The following DRC8 variants were observed in gnomAD, a reference collection of about 807,000 sequenced individuals.
The protein encoded by DRC8 is dynein regulatory complex protein 8.
At chr1:245,104,573 A>G in the DRC8 span, among the ~76,000 whole-genome samples, 3 of 151,844 alleles carry the variant, frequency 2.0e-5, no homozygotes, top group Admixed American at 6.6e-5. Context: ...AGGCATTGCC[A>G]TTAACATATG....
the DRC8 span, among the ~76,000 whole-genome samples, chr1:244,993,928 C>G: frequency 6.7e-6 from 1 of 149,384 alleles, no homozygotes; most frequent in Non-Finnish European, 1.5e-5. Flanking sequence ...TTCCAACACA[C>G]GAACTTTGGG....
chr1:245,060,153 G>C, the DRC8 span, among the ~76,000 whole-genome samples: 1 of 152,226 alleles, frequency 6.6e-6, no homozygotes, highest in Non-Finnish European at 1.5e-5. Context: ...GATAACAGGA[G>C]ACAGGTGAGG....
chr1:245,047,635 C>A, the DRC8 span, among the ~76,000 whole-genome samples: 907 of 103,716 alleles, frequency 8.7e-3, 1 homozygote, highest in East Asian at 1.0e-2. Context: ...ACTCCATCTC[C>A]AAAAAAAAAA....
the DRC8 span, among the ~76,000 whole-genome samples, chr1:245,111,778 G>A: frequency 6.6e-6 from 1 of 152,304 alleles, no homozygotes; most frequent in South Asian, 2.1e-4. Flanking sequence ...GCTCATGTCT[G>A]TAATCCCAGC....
the DRC8 span, chr1:245,122,132 A>ACCTCAAGTGATCCTCCCGC: frequency 4.1e-6 from 1 of 243,212 alleles, no homozygotes; most frequent in Middle Eastern, 1.6e-3. Flanking sequence ...CGAACTCCTG[A>ACCTCAAGTGATCCTCCCGC]CCTCAAGTGA....
chr1:244,996,918 C>T, the DRC8 span, among the ~76,000 whole-genome samples: 4 of 152,120 alleles, frequency 2.6e-5, no homozygotes, highest in Non-Finnish European at 4.4e-5. Context: ...CCAAAATCCA[C>T]GGATGCTGAA....
the DRC8 span, chr1:245,091,367 G>C: frequency 2.0e-5 from 3 of 152,356 alleles, no homozygotes; most frequent in Non-Finnish European, 4.4e-5. Context: ...CCCAGGCACG[G>C]ACTTGTTTGG....
At chr1:245,023,106 A>T in the DRC8 span, 27 of 152,378 alleles carry the variant, frequency 1.8e-4, 1 homozygote, top group East Asian at 5.2e-3. Context: ...TTTGTGAAGC[A>T]TTCCATTTTT....
the DRC8 span, among the ~76,000 whole-genome samples, chr1:245,007,306 T>C: frequency 6.6e-6 from 1 of 152,144 alleles, no homozygotes; most frequent in African/African-American, 2.4e-5. Context: ...CAAAATAATA[T>C]GTAACAGCCA....
the DRC8 span, among the ~76,000 whole-genome samples, chr1:245,047,974 CAAAAAA>C: frequency 9.7e-6 from 1 of 102,824 alleles, no homozygotes; most frequent in Non-Finnish European, 2.0e-5. Context: ...GACTCTGTCT[CAAAAAA>C]AAAAAAAAAA....
At chr1:244,974,124 C>T in the DRC8 span, among the ~76,000 whole-genome samples, 1 of 152,166 alleles carries the variant, frequency 6.6e-6, no homozygotes, top group Non-Finnish European at 1.5e-5. Context: ...TCCAAAGTTT[C>T]CTCAGCCAGA....
chr1:245,055,255 C>T, the DRC8 span, among the ~76,000 whole-genome samples: 3 of 152,132 alleles, frequency 2.0e-5, no homozygotes, highest in African/African-American at 7.2e-5. Flanking sequence ...TTGAACTCTT[C>T]ATTTCCCTTC....
the DRC8 span, among the ~76,000 whole-genome samples, chr1:245,052,326 C>G: frequency 6.6e-6 from 1 of 152,156 alleles, no homozygotes; most frequent in Non-Finnish European, 1.5e-5. Flanking sequence ...GGACTAACAG[C>G]AGGCAGGATG....
chr1:245,124,937 G>A, the DRC8 span: 29,634 of 152,082 alleles, frequency 0.19, 3,806 homozygotes, highest in Admixed American at 0.34. Flanking sequence ...TCCTTCGGTG[G>A]CCCTACGATG....
chr1:245,124,587 G>T, the DRC8 span: 1 of 152,160 alleles, frequency 6.6e-6, no homozygotes, highest in East Asian at 1.9e-4. Context: ...CATCCCCGTT[G>T]TTCCTATAGA....
At chr1:245,000,740 C>T in the DRC8 span, among the ~76,000 whole-genome samples, 1 of 150,680 alleles carries the variant, frequency 6.6e-6, no homozygotes, top group Non-Finnish European at 1.5e-5. Context: ...CAGATTGTGC[C>T]ACTGCATTCT....
At chr1:245,113,262 T>C in the DRC8 span, among the ~76,000 whole-genome samples, 1 of 152,194 alleles carries the variant, frequency 6.6e-6, no homozygotes, top group Non-Finnish European at 1.5e-5. Context: ...GCCAGTGTTA[T>C]GAGGTTCCCA....
chr1:245,063,468 T>A, the DRC8 span, among the ~76,000 whole-genome samples: 1 of 152,246 alleles, frequency 6.6e-6, no homozygotes, highest in African/African-American at 2.4e-5. Context: ...AGTCTTTTTC[T>A]TTCCTTATTA....
chr1:245,022,450 C>T, the DRC8 span, among the ~76,000 whole-genome samples: 1 of 152,110 alleles, frequency 6.6e-6, no homozygotes, highest in African/African-American at 2.4e-5. Flanking sequence ...AGGCATGAGC[C>T]ACCGCACCCA....
Sources: gnomAD v4.1 joint callset for allele counts (sites outside exome capture counted in the v4.1 genomes callset) on GRCh38, gnomAD v4.1.1 for gene constraint, MANE v1.5 for transcripts, NCBI Gene and HGNC (gene_info 2026-07-23, HGNC 2026-07-21) for gene names.